The following PIEZO2 variants were observed in gnomAD, a reference collection of about 807,000 sequenced individuals.
PIEZO2 encodes piezo type mechanosensitive ion channel component 2, also known as piezo-type mechanosensitive ion channel component 2.
Under a neutral mutation model 337.3 loss-of-function variants are expected in PIEZO2, and 172 were observed. That is an observed-to-expected ratio of 0.51 (90% CI 0.45 to 0.58). The LOEUF (loss-of-function observed/expected upper bound fraction) is 0.58, where lower values mean the gene tolerates loss of function less well. Ranked by LOEUF, PIEZO2 falls within the 20% of genes least tolerant of loss-of-function variation. The pLI is 0.00. For synonymous variants in PIEZO2, 1,251 were observed against 1,228.5 expected, an observed-to-expected ratio of 1.02 and a Z score of -0.38; for missense variants, 3,028 against 3,391.3, an observed-to-expected ratio of 0.89 and a Z score of 2.66.
At chr18:10,871,590 C>T (rs1467685576) in intron 4 of PIEZO2, among the ~76,000 whole-genome samples, 175 bp from the exon 5 acceptor site, 1 of 152,198 alleles carries the variant, frequency 6.6e-6, no homozygotes, top group Non-Finnish European at 1.5e-5. Flanking sequence ...AAAATCTACA[C>T]ATTCAGGAAG....
In PIEZO2 at chr18:11,126,649, T is replaced by C. The variant is rs2146216427; in HGVS notation, c.64+21876A>G. ...CTTACATATTTTTTTTTTTTTGTAT[T>C]CCCAGAATCGAGCCATCCTGATAGG... On this transcript the variant is annotated intron_variant, in intron 1 of 55. Coordinates refer to ENST00000674853, the MANE Select transcript of PIEZO2 (RefSeq NM_001378183.1). This position sits in a 1 kb window ranked among gnomAD's most constrained non-coding sequence, Gnocchi z 4.6. Among the ~76,000 whole-genome samples the C allele has an allele frequency of 6.6e-6, 1 of 152,154 alleles. No individual in the cohort carries two copies. The highest frequency in any genetic ancestry group is 2.4e-5 in the African/African-American group (1 of 41,508).
At chr18:10,852,825 G>T (rs2041594218) in intron 7 of PIEZO2, among the ~76,000 whole-genome samples, 1 of 152,176 alleles carries the variant, frequency 6.6e-6, no homozygotes, top group Non-Finnish European at 1.5e-5. Context: ...GGTCAGGCAT[G>T]AGTGGGGCAG....
rs2033839484 is a variant in PIEZO2, at chr18:10,962,827, G to A, written c.286+16708C>T. On this transcript the variant is annotated intron_variant, in intron 3 of 55. Transcript: ENST00000674853. The surrounding 1 kb of genome is among the most constrained non-coding windows in gnomAD (Gnocchi z 4.1). ...GATCACATACTATGAGCCCATGCTA[G>A]CAATGTGAGGGATGACTTTTCCCAC... is the stretch of plus-strand genomic sequence containing the variant. Among the ~76,000 whole-genome samples the A allele has an allele frequency of 1.3e-5, 2 of 152,164 alleles. No homozygotes were observed. Among genetic ancestry groups the A allele is most frequent in the African/African-American group, 4.8e-5 (2 of 41,422 alleles).
Position 10,795,940 on chromosome 18 carries a change from T to A in PIEZO2, c.1528-938A>T, listed in dbSNP as rs533360964. Among the ~76,000 whole-genome samples, 27 of 152,224 alleles carry A rather than the reference T, an allele frequency of 1.8e-4. No homozygotes were observed. In the East Asian group the frequency reaches 5.2e-3, roughly 29 times the overall value. On this transcript the variant is annotated intron_variant, in intron 12 of 55. Transcript: ENST00000674853. The surrounding 1 kb of genome is among the most constrained non-coding windows in gnomAD (Gnocchi z 4.4). Reference sequence around the variant, plus strand: ...AGATTATAGCTTCTTTTATCTTCTATCTATGGGCCAAGGGTCTGTTTTGAA... The same window carrying A: ...AGATTATAGCTTCTTTTATCTTCTAACTATGGGCCAAGGGTCTGTTTTGAA...
At chr18:10,702,238 A>G in intron 42 of PIEZO2, 67 bp from the exon 43 acceptor site, 1 of 1,402,918 alleles carries the variant, frequency 7.1e-7, no homozygotes, top group South Asian at 1.4e-5. Flanking sequence ...TGTATATGGG[A>G]AAGAGCAATA....
At chr18:10,960,269 G>A (rs1330529381) in intron 3 of PIEZO2, among the ~76,000 whole-genome samples, 1 of 152,074 alleles carries the variant, frequency 6.6e-6, no homozygotes, top group Non-Finnish European at 1.5e-5. Flanking sequence ...GCTTAAAGGG[G>A]CTAGCTTTAG....
chr18:10,900,143 TCAA>T (rs2043007126), intron 4 of PIEZO2, among the ~76,000 whole-genome samples: 1 of 151,772 alleles, frequency 6.6e-6, no homozygotes, highest in South Asian at 2.1e-4. Flanking sequence ...GGTAAAGCTC[TCAA>T]CAGCCTAAAA....
At position 11,077,429 on chromosome 18, in the gene PIEZO2, G is replaced by A. The variant is rs1398058428; in HGVS notation, c.65-11207C>T. On this transcript the variant is annotated intron_variant, in intron 1 of 55. Transcript: ENST00000674853. The surrounding 1 kb of genome is among the most constrained non-coding windows in gnomAD (Gnocchi z 4.8). ...TGCCTACAATCCCAGCACTTTGGGA[G>A]GCAGAGGCAGGAGGATTGCTTGAGA... Among the ~76,000 whole-genome samples, 1 of 152,122 alleles carries A rather than the reference G, an allele frequency of 6.6e-6. No individual in the cohort carries two copies. Among genetic ancestry groups the A allele is most frequent in the Non-Finnish European group, 1.5e-5 (1 of 68,026 alleles).
chr18:10,760,085 T>C (rs1332144259), intron 24 of PIEZO2, among the ~76,000 whole-genome samples, 176 bp from the exon 25 acceptor site: 1 of 152,180 alleles, frequency 6.6e-6, no homozygotes, highest in Non-Finnish European at 1.5e-5. Flanking sequence ...ACAGAAATAC[T>C]GTACAGATTA....
At chr18:10,810,652 A>G (rs2040159700) in intron 7 of PIEZO2, among the ~76,000 whole-genome samples, 1 of 152,152 alleles carries the variant, frequency 6.6e-6, no homozygotes. Context: ...GTTTACCATA[A>G]AATCTCAATC....
Position 10,837,034 on chromosome 18 carries a change from T to C in PIEZO2, c.917+18319A>G, listed in dbSNP as rs941444808. ...TTTCAGCAAAACACACATTCTTCTA[T>C]TGTGGGGTATAATCACTCTTACACA... On this transcript the variant is annotated intron_variant, in intron 7 of 55. Transcript: ENST00000674853. The surrounding 1 kb of genome is among the most constrained non-coding windows in gnomAD (Gnocchi z 4.4). Among the ~76,000 whole-genome samples, 1 of 152,198 alleles carries C rather than the reference T, an allele frequency of 6.6e-6. No individual in the cohort carries two copies. Among genetic ancestry groups the C allele is most frequent in the Non-Finnish European group, 1.5e-5 (1 of 68,036 alleles).
At position 10,954,852 on chromosome 18, in the gene PIEZO2, T is replaced by C. The variant is rs895987314; in HGVS notation, c.286+24683A>G. 2.0e-5 allele frequency among the ~76,000 whole-genome samples: 3 copies of C among 152,226 alleles called. No individual in the cohort carries two copies. The highest frequency in any genetic ancestry group is 2.9e-5 in the Non-Finnish European group (2 of 68,034). On this transcript the variant is annotated intron_variant, in intron 3 of 55. Coordinates refer to ENST00000674853, the MANE Select transcript of PIEZO2 (RefSeq NM_001378183.1). The surrounding 1 kb of genome is among the most constrained non-coding windows in gnomAD (Gnocchi z 4.2). The stretch of plus-strand genomic sequence containing the variant: ...TTCTCTCATTTCTCTCTGATGTTAG[T>C]AATGTTTTCCTTGATCTCCCCAGAA...
rs937741599 is a variant in PIEZO2 at position 11,092,190 on chromosome 18, A to G, written c.65-25968T>C. On this transcript the variant is annotated intron_variant, in intron 1 of 55. Coordinates refer to ENST00000674853, the MANE Select transcript of PIEZO2 (RefSeq NM_001378183.1). This position sits in a 1 kb window ranked among gnomAD's most constrained non-coding sequence, Gnocchi z 4.5. ...ATAATTCTCGTCCAAGATCGAGAAC[A>G]CATCATTAGAAGCACTATTTACAAA... is the stretch of plus-strand genomic sequence containing the variant. 1.3e-4 allele frequency among the ~76,000 whole-genome samples: 20 copies of G among 152,254 alleles called. No homozygotes were observed. The highest frequency in any genetic ancestry group is 4.1e-4 in the African/African-American group (17 of 41,468).
At chr18:10,879,252 A>G (rs965829440) in intron 4 of PIEZO2, among the ~76,000 whole-genome samples, 3 of 152,200 alleles carry the variant, frequency 2.0e-5, no homozygotes, top group Non-Finnish European at 4.4e-5. Flanking sequence ...AGTGAGACCA[A>G]TGTGTCCATT....
rs1240317005 is a variant in PIEZO2 at position 11,105,520 on chromosome 18, C to T, written c.65-39298G>A. 3.3e-5 allele frequency among the ~76,000 whole-genome samples: 5 copies of T among 151,982 alleles called. 1 individual carries two copies. Among genetic ancestry groups the T allele is most frequent in the African/African-American group, 7.3e-5 (3 of 41,366 alleles). On this transcript the variant is annotated intron_variant, in intron 1 of 55. Transcript: ENST00000674853. The surrounding 1 kb of genome is among the most constrained non-coding windows in gnomAD (Gnocchi z 4.3). The stretch of plus-strand genomic sequence containing the variant: ...GCACAGCTTATCTCATTCTCTCCTG[C>T]TTGTTATGAGCTCAGAAAGCTTTAG...
At chr18:11,090,912 TAAAAAAA>T (rs61020782) in intron 1 of PIEZO2, among the ~76,000 whole-genome samples, 2 of 123,690 alleles carry the variant, frequency 1.6e-5, no homozygotes, top group Non-Finnish European at 3.4e-5. Flanking sequence ...AGACTCCGTC[TAAAAAAA>T]AAAAAAAAAA....
intron 1 of PIEZO2, among the ~76,000 whole-genome samples, chr18:11,113,685 T>C (rs1482952175): frequency 6.6e-6 from 1 of 152,198 alleles, no homozygotes; most frequent in African/African-American, 2.4e-5. Flanking sequence ...TCTGAATTCA[T>C]TTTTTATTTG....
chr18:11,071,853 CCT>C (rs1213344488), intron 1 of PIEZO2, among the ~76,000 whole-genome samples: 1 of 152,158 alleles, frequency 6.6e-6, no homozygotes. Context: ...TTTGGTTTTC[CCT>C]CTGAGTGGCC....
intron 1 of PIEZO2, among the ~76,000 whole-genome samples, chr18:11,121,242 ACT>A (rs56919876): frequency 0.55 from 83,575 of 151,788 alleles, 26,430 homozygotes; most frequent in Non-Finnish European, 0.7. Flanking sequence ...ACACAGCAAG[ACT>A]CTGTCTGAAA....
Sources: gnomAD v4.1 joint callset for allele counts (sites outside exome capture counted in the v4.1 genomes callset) on GRCh38, gnomAD v4.1.1 for gene constraint, Gnocchi (gnomAD v3.1) non-coding constraint, MANE v1.5 for transcripts, NCBI Gene and HGNC (gene_info 2026-07-23, HGNC 2026-07-21) for gene names.